PNPLA2: variants seen among roughly 807,000 people sequenced by gnomAD.
PNPLA2 encodes the protein patatin-like phospholipase domain-containing protein 2.
A neutral mutation model predicts 39.7 loss-of-function variants in PNPLA2; 28 were observed. That is an observed-to-expected ratio of 0.70 (90% CI 0.52 to 0.97). The LOEUF (loss-of-function observed/expected upper bound fraction) is 0.97, where lower values mean the gene tolerates loss of function less well. PNPLA2 is among the 50% of genes least tolerant of loss of function. The probability of loss-of-function intolerance (pLI) is 0.00; values close to 1 mark genes in which losing one functional copy is unlikely to be tolerated. For missense variants in PNPLA2, 768 were observed against 698.2 expected (o/e 1.10, Z -1.13); for synonymous variants, 392 against 321.1 (o/e 1.22, Z -2.36).
chr11:824,829 G>T lies in PNPLA2; in HGVS notation c.1482G>T (p.Glu494Asp). 1.3e-6 allele frequency: 2 copies of T among 1,534,700 alleles called. No homozygotes were observed. Among genetic ancestry groups the T allele is most frequent in the Non-Finnish European group, 1.7e-6 (2 of 1,146,196 alleles). ...CCTTGCTGAGCACCCCTGCTCCCGA[G>T]GCCCGGCCCGTGATCGGGGCCCTGG... The part of the protein sequence containing the change: ...PAPLLSTPAP[E>D]ARPVIGALGL Residue 494 changes from glutamate to aspartate, a missense_variant, in exon 10 of 10, where the codon GAG (glutamate) becomes GAT (aspartate). Coordinates refer to ENST00000336615, the MANE Select transcript of PNPLA2 (RefSeq NM_020376.4).
Position 821,706 on chromosome 11 carries a change from A to C in PNPLA2, c.266A>C (p.Asn89Thr), listed in dbSNP as rs1845669484. Residue 89 changes from asparagine to threonine, a missense_variant, in exon 3 of 10, where the codon AAC becomes ACC. Transcript: ENST00000336615. ...RFLGPLHPSF[N>T]LVKIIRSFLL... ...CTGGGCCCCCTGCACCCCTCCTTCA[A>C]CCTGGTAAAGATCATCCGCAGTTTC... The C allele has an allele frequency of 1.2e-6, 2 of 1,613,914 alleles. No individual in the cohort carries two copies. Among genetic ancestry groups the C allele is most frequent in the Non-Finnish European group, 1.7e-6 (2 of 1,180,002 alleles).
intron 2 of PNPLA2, 49 bp downstream of exon 2, chr11:819,954 C>G: frequency 9.3e-7 from 1 of 1,070,122 alleles, no homozygotes; most frequent in Non-Finnish European, 1.2e-6. Flanking sequence ...GAAGGCCGTG[C>G]GGGGCCGGGG....
intron 8 of PNPLA2, 40 bp downstream of exon 8, chr11:824,170 G>A (rs904377843): frequency 2.0e-5 from 31 of 1,571,152 alleles, no homozygotes; most frequent in Non-Finnish European, 2.7e-5. Flanking sequence ...CCCAGGGGAC[G>A]GACTTTGGGA....
chr11:819,698 G>A lies in PNPLA2; in HGVS notation c.-21G>A, dbSNP rs2133845170. The A allele has an allele frequency of 2.7e-6, 4 of 1,476,498 alleles. No homozygotes were observed. Among genetic ancestry groups the A allele is most frequent in the Non-Finnish European group, 3.6e-6 (4 of 1,114,766 alleles). The allele number at this position is 1,476,498 out of a possible 1,614,324, so 91.5% of individuals were successfully genotyped here. A position where few individuals can be genotyped will look rare whatever the true frequency, so the allele number is the denominator to read the frequency against. On this transcript the variant is annotated 5_prime_UTR_variant, in exon 2 of 10. Transcript: ENST00000336615. Reference sequence around the variant, plus strand: ...AGGCCTGGCCGCCCACGGAACCCGGGGCCCGGCGGCCGCCGCCGCGATGTT... The same window carrying A: ...AGGCCTGGCCGCCCACGGAACCCGGAGCCCGGCGGCCGCCGCCGCGATGTT...
intron 9 of PNPLA2, 26 bp from the exon 10 acceptor site, chr11:824,497 C>T (rs1040999580): frequency 3.2e-6 from 5 of 1,544,580 alleles, no homozygotes; most frequent in Admixed American, 3.9e-5. Context: ...AGCTGAAGCC[C>T]TCCCTGCCGC....
At chr11:819,524 C>G in intron 1 of PNPLA2, 50 bp from the exon 2 acceptor site, 4 of 1,265,642 alleles carry the variant, frequency 3.2e-6, no homozygotes, top group Non-Finnish European at 4.0e-6. Context: ...GGCCCCGCCC[C>G]CGCCGTGAGT....
At position 822,000 on chromosome 11, in the gene PNPLA2, A is replaced by ATCCC. The variant is rs796065310; in HGVS notation, c.475_478dup (p.Gln160ProfsTer19). 2 of 1,613,496 alleles carry ATCCC rather than the reference A, an allele frequency of 1.2e-6. No individual in the cohort carries two copies. Among genetic ancestry groups the ATCCC allele is most frequent in the African/African-American group, 1.3e-5 (1 of 74,806 alleles). The stretch of plus-strand genomic sequence containing the variant: ...TTTCATCCCCGTGTACTGTGGGCTC[A>ATCCC]TCCCTCCCTCCCTCCAGGGGGTGGT... On this transcript the variant is annotated frameshift_variant, in exon 4 of 10. Transcript: ENST00000336615. LOFTEE classifies it high-confidence loss of function.
At chr11:821,516 G>A (rs1027874284) in intron 2 of PNPLA2, 112 bp from the exon 3 acceptor site, 11 of 791,010 alleles carry the variant, frequency 1.4e-5, no homozygotes, top group Non-Finnish European at 1.7e-5. Context: ...CACATTCACT[G>A]GGCCTCCTCC....
chr11:820,317 G>C (rs1401776312), intron 2 of PNPLA2, among the ~76,000 whole-genome samples: 1 of 152,210 alleles, frequency 6.6e-6, no homozygotes, highest in Non-Finnish European at 1.5e-5. Context: ...CTATCAGGGG[G>C]CCTGGCATGG....
intron 2 of PNPLA2, among the ~76,000 whole-genome samples, chr11:820,592 C>T (rs1565085745): frequency 1.3e-5 from 2 of 152,168 alleles, no homozygotes; most frequent in African/African-American, 4.8e-5. Context: ...CATCGGCTGC[C>T]ATGAGGGAGT....
chr11:822,362 C>G (rs1035573717), intron 4 of PNPLA2, 35 bp from the exon 5 acceptor site: 4 of 1,592,206 alleles, frequency 2.5e-6, no homozygotes, highest in Middle Eastern at 1.7e-4. Context: ...GCCACAGGCC[C>G]TCACATACGG....
chr11:823,881 A>G lies in PNPLA2; in HGVS notation c.919+26A>G, dbSNP rs1461390322. 3 of 1,563,502 alleles carry G rather than the reference A, an allele frequency of 1.9e-6. No homozygotes were observed. In the African/African-American group the frequency reaches 4.1e-5, roughly 21 times the overall value. On this transcript the variant is annotated intron_variant, in intron 7 of 9. Coordinates refer to ENST00000336615, the MANE Select transcript of PNPLA2 (RefSeq NM_020376.4). ...GTGCGCACCTGGGGGACGGGAGGGG[A>G]GGAGGGGAGGCAGGAGGGAAAGAGA...
At chr11:823,888 G>T in intron 7 of PNPLA2, 33 bp downstream of exon 7, 3 of 1,560,710 alleles carry the variant, frequency 1.9e-6, no homozygotes, top group Non-Finnish European at 2.6e-6. Flanking sequence ...GGGAGGAGGG[G>T]AGGCAGGAGG....
chr11:819,844 C>T lies in PNPLA2; in HGVS notation c.126C>T (p.His42=), dbSNP rs764044251. The T allele has an allele frequency of 6.8e-7, 1 of 1,475,422 alleles. No individual in the cohort carries two copies. Among genetic ancestry groups the T allele is most frequent in the South Asian group, 1.3e-5 (1 of 77,892 alleles). The allele number at this position is 1,475,422 out of a possible 1,614,324, so 91.4% of individuals were successfully genotyped here. Residue 42 remains histidine, a synonymous_variant, in exon 2 of 10, where the codon CAC becomes CAT. Coordinates refer to ENST00000336615, the MANE Select transcript of PNPLA2 (RefSeq NM_020376.4). The stretch of plus-strand genomic sequence containing the variant: ...CCTTCCTGGTGGCCAACGCCACGCA[C>T]ATCTACGGCGCCTCGGCCGGGGCGC... ...HAPFLVANAT[H]IYGASAGALT... is the part of the protein sequence containing the mutation.
intron 3 of PNPLA2, 43 bp from the exon 4 acceptor site, chr11:821,915 A>G: frequency 6.2e-7 from 1 of 1,609,912 alleles, no homozygotes; most frequent in Non-Finnish European, 8.5e-7. Context: ...TGGGAACCTC[A>G]AGGCCTCTGC....
Position 825,150 on chromosome 11 carries a change from C to G in PNPLA2, c.*288C>G. The G allele has an allele frequency of 1.8e-6, 1 of 555,296 alleles. No homozygotes were observed. Among genetic ancestry groups the G allele is most frequent in the Non-Finnish European group, 3.2e-6 (1 of 313,160 alleles). 34.4% of individuals were successfully genotyped at this position (555,296 alleles called of 1,614,324 possible). The stretch of plus-strand genomic sequence containing the variant: ...CCCTTCCCTCCCCGTTTTTCATGGC[C>G]TGCTGAAATATGTGTGTGAAGAATT... On this transcript the variant is annotated 3_prime_UTR_variant, in exon 10 of 10. Transcript: ENST00000336615.
Position 824,721 on chromosome 11 carries a change from T to G in PNPLA2, c.1374T>G (p.Ala458=). The change falls in exon 10 of 10, where the codon GCT becomes GCG. Residue 458 remains alanine, a synonymous_variant. Transcript: ENST00000336615. ...FCTNVAFPPE[A]LRMRAPADPA... ...CCAACGTGGCCTTCCCGCCCGAAGC[T>G]CTGCGCATGCGCGCACCCGCCGACC... 2.5e-6 allele frequency: 4 copies of G among 1,585,198 alleles called. No individual in the cohort carries two copies. In the South Asian group the frequency reaches 4.5e-5, roughly 18 times the overall value.
chr11:824,272 G>A (rs1202433066), intron 8 of PNPLA2, 42 bp from the exon 9 acceptor site: 1 of 1,549,352 alleles, frequency 6.5e-7, no homozygotes, highest in Non-Finnish European at 8.7e-7. Flanking sequence ...GGGCATGTGG[G>A]TCTGGCCAAG....
rs776306473 is a variant in PNPLA2 at position 823,819 on chromosome 11, C to G, written c.883C>G (p.His295Asp). 1.9e-6 allele frequency: 3 copies of G among 1,599,296 alleles called. No individual in the cohort carries two copies. The South Asian group carries it at 3.4e-5, about 18-fold the overall frequency. ...TTACTCGCAGCTGCCCGGAGAAGAT[C>G]ACATCCTGGAGCACCTGCCCGCCCG... ...EDYSQLPGED[H>D]ILEHLPARLN... is the part of the protein sequence containing the mutation. Residue 295 changes from histidine (H) to aspartate (D), a missense_variant, in exon 7 of 10, where the codon CAC becomes GAC. Physicochemically the swap from His to Asp is moderately conservative, Grantham distance 81. Transcript: ENST00000336615.
Sources: gnomAD v4.1 joint callset for allele counts (sites outside exome capture counted in the v4.1 genomes callset) on GRCh38, gnomAD v4.1.1 for gene constraint, MANE v1.5 for transcripts, NCBI Gene and HGNC (gene_info 2026-07-23, HGNC 2026-07-21) for gene names.